Variants in EYS observed in about 807,000 individuals in gnomAD.
The protein encoded by EYS is EGF-like photoreceptor maintenance factor.
Under a neutral mutation model 282.1 loss-of-function variants are expected in EYS, and 250 were observed. That is an observed-to-expected ratio of 0.89 (90% CI 0.80 to 0.98). The LOEUF is 0.98. EYS is among the 50% of genes least tolerant of loss of function. EYS has a pLI of 0.00. For synonymous variants in EYS, 1,355 were observed against 1,282.9 expected, an observed-to-expected ratio of 1.06 and a Z score of -1.20; for missense variants, 4,016 against 3,709.0, an observed-to-expected ratio of 1.08 and a Z score of -2.15.
intron 8 of EYS, among the ~76,000 whole-genome samples, chr6:65,371,737 CTCTCTGTGTGTGTGTGTG>C (rs1196009700): frequency 2.3e-4 from 10 of 43,454 alleles, no homozygotes; most frequent in African/African-American, 6.5e-4. Flanking sequence ...CTCTCTCTCT[CTCTCTGTGTGTGTGTGTG>C]TGTGTGTGTG....
At chr6:65,513,196 T>G (rs1316395662) in intron 2 of EYS, among the ~76,000 whole-genome samples, 2 of 151,976 alleles carry the variant, frequency 1.3e-5, no homozygotes, top group East Asian at 3.9e-4. Flanking sequence ...CTAGAAGAAA[T>G]GGATAAATTC....
intron 12 of EYS, among the ~76,000 whole-genome samples, chr6:65,283,793 A>T (rs1285824819): frequency 6.6e-6 from 1 of 151,996 alleles, no homozygotes; most frequent in Non-Finnish European, 1.5e-5. Context: ...TATACTTTTC[A>T]GTGTCAATAT....
intron 12 of EYS, among the ~76,000 whole-genome samples, chr6:65,168,089 T>G (rs1466938331): frequency 6.6e-6 from 1 of 151,408 alleles, no homozygotes; most frequent in Admixed American, 6.6e-5. Flanking sequence ...TACTAGTTTT[T>G]GTTCAAATTG....
intron 2 of EYS, among the ~76,000 whole-genome samples, chr6:65,622,448 A>ATAT (rs1387002641): frequency 6.6e-6 from 1 of 151,986 alleles, no homozygotes. Context: ...TATTATTGTA[A>ATAT]TATTATCATT....
chr6:64,548,410 A>G (rs1406270846), intron 26 of EYS, among the ~76,000 whole-genome samples: 2 of 152,204 alleles, frequency 1.3e-5, no homozygotes. Context: ...TCACAGTAGC[A>G]AAGACTTAGA....
At position 65,437,237 on chromosome 6, in the gene EYS, C is replaced by T. The variant is rs73445188; in HGVS notation, c.863-31870G>A. On this transcript the variant is annotated intron_variant, in intron 5 of 42. Transcript: ENST00000503581. ...AAATAATAAAGCAATATCCTAACAA[C>T]TGCAGTTATGGGTGTGCTCAGTGTC... is the stretch of plus-strand genomic sequence containing the variant. 4.4e-3 allele frequency among the ~76,000 whole-genome samples: 668 copies of T among 152,178 alleles called. 3 individuals are homozygous for T. Among genetic ancestry groups the T allele is most frequent in the African/African-American group, 0.015 (618 of 41,538 alleles).
intron 31 of EYS, among the ~76,000 whole-genome samples, chr6:64,162,796 A>G (rs939588955): frequency 6.6e-6 from 1 of 152,192 alleles, no homozygotes; most frequent in Non-Finnish European, 1.5e-5. Flanking sequence ...ATTTTTATAT[A>G]TCACAATAAA....
At chr6:64,950,464 CA>C (rs200644603) in intron 14 of EYS, among the ~76,000 whole-genome samples, 2 of 150,580 alleles carry the variant, frequency 1.3e-5, no homozygotes, top group Admixed American at 1.3e-4. Context: ...CAATTTTTTT[CA>C]AAAAAACATA....
chr6:64,038,048 T>G (rs1187339441), intron 33 of EYS, among the ~76,000 whole-genome samples: 3 of 152,182 alleles, frequency 2.0e-5, no homozygotes, highest in African/African-American at 7.2e-5. Context: ...TAGTGGTCAT[T>G]TAAAATCTCC....
chr6:63,868,260 C>A (rs1772715823), intron 35 of EYS, among the ~76,000 whole-genome samples: 1 of 152,040 alleles, frequency 6.6e-6, no homozygotes. Flanking sequence ...TATTTGATTA[C>A]AAGTCTACAA....
chr6:64,217,451 C>T (rs1765966600), intron 31 of EYS, among the ~76,000 whole-genome samples: 1 of 152,064 alleles, frequency 6.6e-6, no homozygotes, highest in South Asian at 2.1e-4. Flanking sequence ...ATCCCTTGAA[C>T]CCAGGAGACA....
At chr6:64,643,506 G>A (rs1456264106) in intron 22 of EYS, among the ~76,000 whole-genome samples, 1 of 152,238 alleles carries the variant, frequency 6.6e-6, no homozygotes, top group African/African-American at 2.4e-5. Context: ...CGTGGTCCTG[G>A]GCAGAGTTGG....
At chr6:63,993,346 C>T (rs1767690072) in intron 34 of EYS, among the ~76,000 whole-genome samples, 1 of 151,258 alleles carries the variant, frequency 6.6e-6, no homozygotes, top group Non-Finnish European at 1.5e-5. Flanking sequence ...CAAAATGCAT[C>T]CAAATAAGAA....
chr6:65,235,739 T>A (rs552588350), intron 12 of EYS, among the ~76,000 whole-genome samples: 3 of 152,320 alleles, frequency 2.0e-5, no homozygotes, highest in Non-Finnish European at 2.9e-5. Flanking sequence ...TTTTGAATTA[T>A]GTGTGCACCT....
intron 35 of EYS, among the ~76,000 whole-genome samples, chr6:63,954,937 C>G (rs1343574247): frequency 6.6e-6 from 1 of 152,180 alleles, no homozygotes; most frequent in Non-Finnish European, 1.5e-5. Context: ...AGTGTTCTGT[C>G]TGCTATTCTA....
intron 7 of EYS, among the ~76,000 whole-genome samples, chr6:65,391,023 G>T (rs1304832888): frequency 1.3e-5 from 2 of 152,104 alleles, no homozygotes; most frequent in Non-Finnish European, 2.9e-5. Context: ...GCATTATGGG[G>T]CTAAGGTTCC....
intron 2 of EYS, 24 bp downstream of exon 2, chr6:65,639,754 T>C (rs890168868): frequency 2.2e-4 from 33 of 152,150 alleles, no homozygotes; most frequent in African/African-American, 7.7e-4. Flanking sequence ...GAACCTGTTT[T>C]TTCCTCAGGA....
intron 5 of EYS, among the ~76,000 whole-genome samples, chr6:65,482,361 A>C (rs886511786): frequency 6.6e-6 from 1 of 152,162 alleles, no homozygotes; most frequent in Non-Finnish European, 1.5e-5. Flanking sequence ...ATGTGACTCC[A>C]TTATTTTTTA....
chr6:65,663,298 G>C (rs1344936988), intron 1 of EYS, among the ~76,000 whole-genome samples: 1 of 152,116 alleles, frequency 6.6e-6, no homozygotes, highest in Non-Finnish European at 1.5e-5. Flanking sequence ...AATTCTAAGA[G>C]TATATGGCAC....
Sources: gnomAD v4.1 joint callset for allele counts (sites outside exome capture counted in the v4.1 genomes callset) on GRCh38, gnomAD v4.1.1 for gene constraint, MANE v1.5 for transcripts, NCBI Gene and HGNC (gene_info 2026-07-23, HGNC 2026-07-21) for gene names.